The following NRXN3 variants were observed in gnomAD, a reference collection of about 807,000 sequenced individuals.
The protein encoded by NRXN3 is neurexin III.
A neutral mutation model predicts 137.6 loss-of-function variants in NRXN3; 32 were observed. The ratio of observed to expected loss-of-function variants is 0.23; its 90% CI spans 0.18 to 0.31. The LOEUF is 0.31. NRXN3 is among the 10% of genes least tolerant of loss of function. The pLI, the probability that NRXN3 is intolerant of heterozygous loss-of-function variation, is 1.00. For missense variants in NRXN3, 1,574 were observed against 2,062.5 expected, an observed-to-expected ratio of 0.76 and a Z score of 4.59; for synonymous variants, 798 against 784.5, an observed-to-expected ratio of 1.02 and a Z score of -0.29.
At chr14:78,672,506 C>A (rs2097947292) in intron 6 of NRXN3, among the ~76,000 whole-genome samples, 1 of 152,188 alleles carries the variant, frequency 6.6e-6, no homozygotes, top group Non-Finnish European at 1.5e-5. Flanking sequence ...GGATGCTTCC[C>A]TATTAATGAT....
At chr14:78,611,534 A>T (rs1165156609) in intron 4 of NRXN3, among the ~76,000 whole-genome samples, 1 of 152,048 alleles carries the variant, frequency 6.6e-6, no homozygotes. Flanking sequence ...ACATTCAAAT[A>T]CATTGCTTTT....
chr14:79,159,359 T>G (rs771503992), intron 15 of NRXN3, among the ~76,000 whole-genome samples: 142 of 151,952 alleles, frequency 9.3e-4, no homozygotes, highest in Non-Finnish European at 1.5e-3. Context: ...AAAGCTCTGG[T>G]CTTGTCTTCA....
intron 14 of NRXN3, 99 bp downstream of exon 14, chr14:78,968,445 T>A: frequency 9.2e-7 from 1 of 1,090,478 alleles, no homozygotes; most frequent in Non-Finnish European, 1.3e-6. Flanking sequence ...TGACCAGTCC[T>A]GTCTCATTCT....
chr14:78,614,442 A>T (rs779273461), intron 4 of NRXN3, among the ~76,000 whole-genome samples: 20 of 152,194 alleles, frequency 1.3e-4, no homozygotes, highest in Non-Finnish European at 2.5e-4. Context: ...TAAAAAGATG[A>T]TGGCAGAACC....
chr14:79,298,204 T>A (rs2084519967), intron 15 of NRXN3, among the ~76,000 whole-genome samples: 1 of 152,092 alleles, frequency 6.6e-6, no homozygotes, highest in Non-Finnish European at 1.5e-5. Flanking sequence ...TCAGATTTTC[T>A]AAAAATGGGC....
At chr14:78,511,853 T>C (rs2096114444) in intron 4 of NRXN3, among the ~76,000 whole-genome samples, 1 of 152,110 alleles carries the variant, frequency 6.6e-6, no homozygotes, top group Non-Finnish European at 1.5e-5. Flanking sequence ...CCAGGCAAAT[T>C]GAAGCGCTTC....
chr14:78,213,951 G>A (rs77729939), intron 1 of NRXN3, among the ~76,000 whole-genome samples: 1,584 of 152,318 alleles, frequency 0.01, 28 homozygotes, highest in African/African-American at 0.036. Context: ...TGTTATCTGA[G>A]TTTGCTGGCA....
At chr14:79,513,357 A>G (rs1450218407) in intron 16 of NRXN3, among the ~76,000 whole-genome samples, 2 of 152,164 alleles carry the variant, frequency 1.3e-5, no homozygotes, top group Non-Finnish European at 2.9e-5. Context: ...CATTCAGGAC[A>G]GGAATTTAGA....
At chr14:79,666,731 C>T (rs1357566820) in intron 17 of NRXN3, among the ~76,000 whole-genome samples, 1 of 152,022 alleles carries the variant, frequency 6.6e-6, no homozygotes, top group Non-Finnish European at 1.5e-5. Context: ...TGTCATATCT[C>T]AAAGGTCACT....
chr14:78,903,566 C>G (rs887531910), intron 10 of NRXN3, among the ~76,000 whole-genome samples: 1 of 152,036 alleles, frequency 6.6e-6, no homozygotes, highest in African/African-American at 2.4e-5. Context: ...AAGTTAAATA[C>G]ATTTTTCAGG....
chr14:79,236,335 A>ATG (rs1341679908), intron 15 of NRXN3, among the ~76,000 whole-genome samples: 1 of 152,158 alleles, frequency 6.6e-6, no homozygotes, highest in East Asian at 1.9e-4. Flanking sequence ...ATGTGTATTT[A>ATG]TGTGTGTGTA....
At chr14:79,049,060 A>ATT (rs2099637811) in intron 15 of NRXN3, among the ~76,000 whole-genome samples, 1 of 52,894 alleles carries the variant, frequency 1.9e-5, no homozygotes, top group Non-Finnish European at 3.7e-5. Flanking sequence ...AAAAAAAAAA[A>ATT]AAAAAAAAAA....
chr14:78,413,023 T>C (rs1367436725), intron 4 of NRXN3, among the ~76,000 whole-genome samples: 1 of 152,222 alleles, frequency 6.6e-6, no homozygotes, highest in Non-Finnish European at 1.5e-5. Flanking sequence ...GGAAGGCATT[T>C]TGTCTTCTTA....
intron 15 of NRXN3, among the ~76,000 whole-genome samples, chr14:79,094,979 A>AGAGAGAGAGTGTGTGTGTGTGT (rs553957969): frequency 8.6e-5 from 10 of 115,922 alleles, no homozygotes; most frequent in African/African-American, 3.2e-4. Context: ...AGAGAGAGAG[A>AGAGAGAGAGTGTGTGTGTGTGT]GTGTGTGTGT....
At chr14:78,923,255 A>G (rs567867734) in intron 10 of NRXN3, among the ~76,000 whole-genome samples, 352 of 152,316 alleles carry the variant, frequency 2.3e-3, no homozygotes, top group Non-Finnish European at 4.4e-3. Flanking sequence ...CTTTGCCCTC[A>G]GGCTAGCTAC....
At chr14:79,110,926 G>T (rs1462036015) in intron 15 of NRXN3, among the ~76,000 whole-genome samples, 4 of 151,928 alleles carry the variant, frequency 2.6e-5, no homozygotes, top group African/African-American at 7.3e-5. Flanking sequence ...AAATAGCTGG[G>T]ACTACAGGCA....
chr14:79,022,158 A>G (rs1195310890), intron 15 of NRXN3, among the ~76,000 whole-genome samples: 1 of 152,258 alleles, frequency 6.6e-6, no homozygotes, highest in Non-Finnish European at 1.5e-5. Context: ...CAAGTCCTAT[A>G]TATTCCAGCT....
chr14:78,353,157 C>G (rs1237113181), intron 4 of NRXN3, among the ~76,000 whole-genome samples: 6 of 152,140 alleles, frequency 3.9e-5, no homozygotes, highest in Non-Finnish European at 7.3e-5. Flanking sequence ...GGCTGAGTAG[C>G]TGGTGCAAGT....
chr14:79,094,948 AAGAGAGAGAG>A (rs138948861), intron 15 of NRXN3, among the ~76,000 whole-genome samples: 1 of 134,722 alleles, frequency 7.4e-6, no homozygotes, highest in Non-Finnish European at 1.5e-5. Context: ...GAGAGAGAGA[AAGAGAGAGAG>A]AGAGAGAGAG....
Sources: gnomAD v4.1 joint callset for allele counts (sites outside exome capture counted in the v4.1 genomes callset) on GRCh38, gnomAD v4.1.1 for gene constraint, MANE v1.5 for transcripts, NCBI Gene and HGNC (gene_info 2026-07-23, HGNC 2026-07-21) for gene names.